Variants in EYS observed in about 807,000 individuals in gnomAD.
The protein encoded by EYS is EGF-like photoreceptor maintenance factor.
A neutral mutation model predicts 282.1 loss-of-function variants in EYS; 250 were observed. The ratio of observed to expected loss-of-function variants is 0.89; its 90% CI spans 0.80 to 0.98. The LOEUF is 0.98. EYS is among the 50% of genes least tolerant of loss of function. The pLI is 0.00. For missense variants in EYS, 4,016 were observed against 3,709.0 expected, an observed-to-expected ratio of 1.08 and a Z score of -2.15; for synonymous variants, 1,355 against 1,282.9, an observed-to-expected ratio of 1.06 and a Z score of -1.20.
chr6:64,934,724 G>A (rs1441485875), intron 15 of EYS, among the ~76,000 whole-genome samples: 9 of 151,840 alleles, frequency 5.9e-5, no homozygotes, highest in Non-Finnish European at 8.8e-5. Context: ...AGAACAGGAA[G>A]ATTTCATAAC....
At chr6:65,251,689 G>C (rs1187820495) in intron 12 of EYS, among the ~76,000 whole-genome samples, 1 of 151,962 alleles carries the variant, frequency 6.6e-6, no homozygotes, top group East Asian at 1.9e-4. Flanking sequence ...CCAAATGCCA[G>C]TGAATTTACC....
chr6:63,901,633 A>T (rs1308903062), intron 35 of EYS, among the ~76,000 whole-genome samples: 1 of 152,244 alleles, frequency 6.6e-6, no homozygotes, highest in Non-Finnish European at 1.5e-5. Flanking sequence ...AGAGAAAGCC[A>T]ACTCTTCAAA....
At chr6:65,382,019 A>G (rs1192578264) in intron 8 of EYS, among the ~76,000 whole-genome samples, 1 of 151,636 alleles carries the variant, frequency 6.6e-6, no homozygotes, top group Non-Finnish European at 1.5e-5. Flanking sequence ...TGAACAGTAC[A>G]TACCTCTATT....
chr6:64,963,903 A>G (rs1436020256), intron 14 of EYS, among the ~76,000 whole-genome samples: 1 of 152,180 alleles, frequency 6.6e-6, no homozygotes, highest in Non-Finnish European at 1.5e-5. Flanking sequence ...AAGTTGTAAT[A>G]CATAATATAG....
chr6:64,453,172 C>G (rs1422033498), intron 26 of EYS, among the ~76,000 whole-genome samples: 2 of 152,040 alleles, frequency 1.3e-5, no homozygotes, highest in Non-Finnish European at 2.9e-5. Context: ...AAAAAACAAA[C>G]AACCCCATCA....
intron 41 of EYS, among the ~76,000 whole-genome samples, chr6:63,737,046 G>A (rs1768933322): frequency 6.6e-6 from 1 of 151,384 alleles, no homozygotes; most frequent in Non-Finnish European, 1.5e-5. Context: ...GGGACAATTT[G>A]ACTTCCTCTT....
chr6:64,277,657 T>C (rs542207074), intron 30 of EYS, among the ~76,000 whole-genome samples: 13 of 152,116 alleles, frequency 8.5e-5, no homozygotes, highest in Non-Finnish European at 1.9e-4. Context: ...AAATGGAAAG[T>C]TTATCTTGTA....
Position 64,822,693 on chromosome 6 carries a change from G to A in EYS, c.3122C>T (p.Thr1041Ile). ...KSGFFGTHCE[T>I]NANDCLSNPC... ...ATTTGAAAGGCAATCATTGGCGTTT[G>A]TTTCACAGTGTGTTCCAAAAAACCC... Residue 1041 changes from threonine to isoleucine, a missense_variant, in exon 20 of 43, where the codon ACA becomes ATA. By Grantham distance (89) the Thr-to-Ile change is moderately conservative. Coordinates refer to ENST00000503581, the MANE Select transcript of EYS (RefSeq NM_001142800.2). The A allele has an allele frequency of 1.3e-6, 2 of 1,547,230 alleles. No homozygotes were observed. The highest frequency in any genetic ancestry group is 1.7e-6 in the Non-Finnish European group (2 of 1,145,278).
intron 35 of EYS, among the ~76,000 whole-genome samples, chr6:63,942,294 C>A (rs1765265951): frequency 6.6e-6 from 1 of 152,164 alleles, no homozygotes; most frequent in Non-Finnish European, 1.5e-5. Context: ...CTGCTGGAAA[C>A]AACTGTGTCC....
intron 12 of EYS, among the ~76,000 whole-genome samples, chr6:65,115,966 A>AATCTAATCTATCT (rs1775360684): frequency 6.9e-6 from 1 of 144,856 alleles, no homozygotes; most frequent in Admixed American, 6.9e-5. Flanking sequence ...CTGTCTATCT[A>AATCTAATCTATCT]ATCTATCTAT....
chr6:63,824,465 T>A (rs1360743173), intron 36 of EYS, among the ~76,000 whole-genome samples: 1 of 152,112 alleles, frequency 6.6e-6, no homozygotes, highest in African/African-American at 2.4e-5. Context: ...TCATAAAAAA[T>A]TAAATGTTAC....
intron 5 of EYS, among the ~76,000 whole-genome samples, chr6:65,475,269 T>C (rs1765358102): frequency 1.3e-5 from 2 of 152,074 alleles, no homozygotes; most frequent in South Asian, 4.1e-4. Flanking sequence ...CACAAGTAGT[T>C]CTTGGTTTTG....
chr6:64,817,043 T>A (rs115973491), intron 21 of EYS, among the ~76,000 whole-genome samples: 4,393 of 151,904 alleles, frequency 0.029, 218 homozygotes, highest in African/African-American at 0.1. Flanking sequence ...TGTGTGTGTG[T>A]AATGAATGTT....
intron 33 of EYS, among the ~76,000 whole-genome samples, chr6:64,033,956 C>T (rs1015408923): frequency 3.3e-5 from 5 of 152,030 alleles, no homozygotes; most frequent in African/African-American, 1.2e-4. Flanking sequence ...TGAGTAGTAT[C>T]TTGAACATTT....
intron 33 of EYS, among the ~76,000 whole-genome samples, chr6:64,051,949 G>A (rs887083609): frequency 2.6e-5 from 4 of 151,158 alleles, no homozygotes; most frequent in Non-Finnish European, 4.4e-5. Context: ...TGTTCATCTA[G>A]TTGTTCTAAC....
chr6:65,099,850 A>C (rs948750021), intron 12 of EYS, among the ~76,000 whole-genome samples: 1 of 150,768 alleles, frequency 6.6e-6, no homozygotes, highest in East Asian at 1.9e-4. Flanking sequence ...TATTTTATCA[A>C]AGGCAAAAGA....
chr6:63,888,924 A>T (rs1773337607), intron 35 of EYS, among the ~76,000 whole-genome samples: 1 of 152,222 alleles, frequency 6.6e-6, no homozygotes, highest in South Asian at 2.1e-4. Flanking sequence ...AACTAGGGTA[A>T]CCAGTTTAGA....
intron 30 of EYS, among the ~76,000 whole-genome samples, chr6:64,290,614 C>A (rs1486610775): frequency 6.6e-6 from 1 of 151,726 alleles, no homozygotes; most frequent in Non-Finnish European, 1.5e-5. Flanking sequence ...AATAGAGGAT[C>A]TTAGGAAACC....
intron 19 of EYS, among the ~76,000 whole-genome samples, chr6:64,824,373 T>C (rs149588203): frequency 2.4e-4 from 36 of 152,096 alleles, no homozygotes; most frequent in African/African-American, 8.7e-4. Context: ...TAAATGAGTG[T>C]TACTTATTGG....
Sources: gnomAD v4.1 joint callset for allele counts (sites outside exome capture counted in the v4.1 genomes callset) on GRCh38, gnomAD v4.1.1 for gene constraint, MANE v1.5 for transcripts, NCBI Gene and HGNC (gene_info 2026-07-23, HGNC 2026-07-21) for gene names.